The following KCNH8 variants were observed in gnomAD, a reference collection of about 807,000 sequenced individuals.
The protein encoded by KCNH8 is potassium voltage-gated channel subfamily H member 8, also known as voltage-gated delayed rectifier potassium channel KCNH8.
KCNH8 carries 70 observed loss-of-function variants against 103.6 expected under a neutral mutation model. The observed-to-expected ratio is 0.68, with a 90% confidence interval of 0.56 to 0.82. The LOEUF (loss-of-function observed/expected upper bound fraction) is 0.82, where lower values mean the gene tolerates loss of function less well. Ranked by LOEUF, KCNH8 falls within the 40% of genes least tolerant of loss-of-function variation. The probability of loss-of-function intolerance (pLI) is 0.00; values close to 1 mark genes in which losing one functional copy is unlikely to be tolerated. For missense variants in KCNH8, 1,217 were observed against 1,329.9 expected (o/e 0.92, Z 1.32); for synonymous variants, 498 against 489.4 (o/e 1.02, Z -0.23).
At chr3:19,203,698 C>CTGAA (rs1436691324) in intron 1 of KCNH8, among the ~76,000 whole-genome samples, 4 of 151,940 alleles carry the variant, frequency 2.6e-5, no homozygotes, top group Non-Finnish European at 5.9e-5. Context: ...ATAAGAAACT[C>CTGAA]TTCAAAGTAC....
chr3:19,191,945 T>C lies in KCNH8; in HGVS notation c.76+43150T>C, dbSNP rs577277371. Among the ~76,000 whole-genome samples, 3 of 151,846 alleles carry C rather than the reference T, an allele frequency of 2.0e-5. No individual in the cohort carries two copies. In the South Asian group the frequency reaches 6.2e-4, roughly 31 times the overall value. ...ACATTAGTTCTACCCATTTTTAATC[T>C]TTCTTTTAATTTTTTTTTTAGTCTG... On this transcript the variant is annotated intron_variant, in intron 1 of 15. Coordinates refer to ENST00000328405, the MANE Select transcript of KCNH8 (RefSeq NM_144633.3).
chr3:19,277,369 C>T (rs781118815), intron 2 of KCNH8, among the ~76,000 whole-genome samples: 10 of 152,030 alleles, frequency 6.6e-5, no homozygotes, highest in East Asian at 1.9e-4. Context: ...TTGAGACCAG[C>T]GTGGGAAACA....
chr3:19,369,511 C>T (rs533094556), intron 5 of KCNH8, among the ~76,000 whole-genome samples: 10 of 151,982 alleles, frequency 6.6e-5, no homozygotes, highest in Non-Finnish European at 1.0e-4. Flanking sequence ...TGTTTCGCCA[C>T]CTAGCATTTC....
chr3:19,253,529 G>A, intron 1 of KCNH8, 125 bp from the exon 2 acceptor site: 2 of 735,206 alleles, frequency 2.7e-6, no homozygotes, highest in Non-Finnish European at 4.7e-6. Flanking sequence ...CTTTTCCACT[G>A]CAGCACATCA....
chr3:19,369,519 T>G (rs2066058584), intron 5 of KCNH8, among the ~76,000 whole-genome samples: 1 of 152,022 alleles, frequency 6.6e-6, no homozygotes, highest in African/African-American at 2.4e-5. Flanking sequence ...CACCTAGCAT[T>G]TCAATGTTGG....
intron 11 of KCNH8, among the ~76,000 whole-genome samples, chr3:19,494,440 A>G: frequency 6.6e-6 from 1 of 152,154 alleles, no homozygotes; most frequent in East Asian, 1.9e-4. Flanking sequence ...TGTCATCCAT[A>G]TAAGATGTGA....
At chr3:19,267,312 G>T (rs1336888872) in intron 2 of KCNH8, among the ~76,000 whole-genome samples, 2 of 152,010 alleles carry the variant, frequency 1.3e-5, no homozygotes, top group African/African-American at 4.8e-5. Context: ...GAGACAATGG[G>T]ACCACTCTGA....
intron 3 of KCNH8, among the ~76,000 whole-genome samples, chr3:19,335,183 C>T (rs1421144021): frequency 6.6e-6 from 1 of 151,540 alleles, no homozygotes; most frequent in Non-Finnish European, 1.5e-5. Flanking sequence ...ATTATAAAGA[C>T]CTTTTTAAAA....
chr3:19,512,786 A>G (rs887961686), intron 12 of KCNH8, among the ~76,000 whole-genome samples, 184 bp from the exon 13 acceptor site: 5 of 152,162 alleles, frequency 3.3e-5, no homozygotes, highest in Non-Finnish European at 7.3e-5. Context: ...CCTGGAGAAG[A>G]GCAGAAGTGG....
intron 10 of KCNH8, among the ~76,000 whole-genome samples, chr3:19,455,757 T>C (rs1200171838): frequency 6.6e-6 from 1 of 152,086 alleles, no homozygotes; most frequent in Non-Finnish European, 1.5e-5. Context: ...ATGTTGGTGC[T>C]GTTTTTATAG....
chr3:19,316,741 G>A (rs756156808), intron 3 of KCNH8, among the ~76,000 whole-genome samples: 1 of 151,910 alleles, frequency 6.6e-6, no homozygotes, highest in African/African-American at 2.4e-5. Context: ...AATAGAAAAT[G>A]AATTGGACCT....
At chr3:19,157,699 G>A (rs191813104) in intron 1 of KCNH8, among the ~76,000 whole-genome samples, 10 of 151,976 alleles carry the variant, frequency 6.6e-5, no homozygotes, top group Admixed American at 5.9e-4. Flanking sequence ...ATGTCCATTT[G>A]TTTACTATAA....
intron 1 of KCNH8, among the ~76,000 whole-genome samples, chr3:19,185,875 T>A (rs2063497155): frequency 6.6e-6 from 1 of 151,954 alleles, no homozygotes; most frequent in South Asian, 2.1e-4. Flanking sequence ...TTCTTTAAAG[T>A]TTTCCTCATG....
chr3:19,171,059 A>C (rs1259104846), intron 1 of KCNH8, among the ~76,000 whole-genome samples: 1 of 151,820 alleles, frequency 6.6e-6, no homozygotes, highest in Non-Finnish European at 1.5e-5. Context: ...TTCGGCCTCC[A>C]AAAGTGCTGG....
intron 3 of KCNH8, among the ~76,000 whole-genome samples, chr3:19,338,088 ATTTG>A (rs905426620): frequency 2.0e-5 from 3 of 151,744 alleles, no homozygotes; most frequent in African/African-American, 4.8e-5. Flanking sequence ...AGGCTTTTTT[ATTTG>A]TTTGTTTCCT....
At chr3:19,293,442 G>A (rs952908651) in intron 3 of KCNH8, among the ~76,000 whole-genome samples, 3 of 152,136 alleles carry the variant, frequency 2.0e-5, no homozygotes, top group African/African-American at 7.2e-5. Flanking sequence ...TGTGGTCTGA[G>A]GGACTGACAC....
chr3:19,513,248 T>C lies in KCNH8; in HGVS notation c.2358T>C (p.His786=), dbSNP rs764701904. Residue 786 remains histidine, a synonymous_variant, in exon 13 of 16, where the codon CAT becomes CAC. Transcript: ENST00000328405. ...AGCAGGAAATTGACCCCCCCAACCA[T>C]AATAAAAGGAAAGAGAAGAACTTGA... is the stretch of plus-strand genomic sequence containing the variant. ...KTKQEIDPPN[H]NKRKEKNLKL... is the part of the protein sequence containing the mutation. The C allele has an allele frequency of 1.1e-5, 17 of 1,613,260 alleles. 1 individual carries two copies. The South Asian group carries it at 1.6e-4, about 16-fold the overall frequency.
At chr3:19,521,150 G>A (rs573220718) in intron 15 of KCNH8, among the ~76,000 whole-genome samples, 1 of 152,082 alleles carries the variant, frequency 6.6e-6, no homozygotes, top group African/African-American at 2.4e-5. Context: ...TGTAGGTGAA[G>A]GTTAGAGTGC....
chr3:19,470,949 T>C (rs754265960), intron 11 of KCNH8, among the ~76,000 whole-genome samples: 1 of 152,228 alleles, frequency 6.6e-6, no homozygotes, highest in Non-Finnish European at 1.5e-5. Context: ...CTCTCCTGTG[T>C]GGCCTCTTGT....
Sources: allele counts gnomAD v4.1 joint callset (sites outside exome capture counted in the v4.1 genomes callset), GRCh38; gene constraint gnomAD v4.1.1; transcripts MANE v1.5; gene names NCBI Gene and HGNC (gene_info 2026-07-23, HGNC 2026-07-21).